ATP13A5: variants seen among roughly 807,000 people sequenced by gnomAD.
The protein encoded by ATP13A5 is ATPase 13A5.
In ATP13A5, 149 loss-of-function variants were observed where a neutral mutation model predicts 150.2. That is an observed-to-expected ratio of 0.99 (90% CI 0.87 to 1.14). The LOEUF is 1.14. Ranked by LOEUF, ATP13A5 falls within the 50% of genes most tolerant of loss-of-function variation. ATP13A5 has a pLI of 0.00. For missense variants in ATP13A5, 1,383 were observed against 1,449.3 expected, an observed-to-expected ratio of 0.95 and a Z score of 0.74; for synonymous variants, 497 against 522.2, an observed-to-expected ratio of 0.95 and a Z score of 0.66.
chr3:193,346,661 C>A (rs1712350085), intron 7 of ATP13A5, among the ~76,000 whole-genome samples: 1 of 152,074 alleles, frequency 6.6e-6, no homozygotes, highest in African/African-American at 2.4e-5. Context: ...ACAAATGTCA[C>A]CAGGCTAAGA....
intron 22 of ATP13A5, 80 bp from the exon 23 acceptor site, chr3:193,305,748 A>T: frequency 8.3e-7 from 1 of 1,204,140 alleles, no homozygotes. Flanking sequence ...GCTGTTCTTC[A>T]CATCATAAAG....
At chr3:193,336,499 G>A (rs1301234086) in intron 9 of ATP13A5, among the ~76,000 whole-genome samples, 2 of 151,980 alleles carry the variant, frequency 1.3e-5, no homozygotes, top group Non-Finnish European at 2.9e-5. Flanking sequence ...TTGATTTTTT[G>A]TCCTTGAGAT....
At chr3:193,350,929 C>A in intron 7 of ATP13A5, 138 bp downstream of exon 7, 1 of 909,028 alleles carries the variant, frequency 1.1e-6, no homozygotes, top group Non-Finnish European at 1.6e-6. Flanking sequence ...TTCTGTCATC[C>A]CATATTTGGT....
intron 25 of ATP13A5, among the ~76,000 whole-genome samples, chr3:193,293,929 A>C (rs1292621064): frequency 1.3e-5 from 2 of 152,060 alleles, no homozygotes; most frequent in Non-Finnish European, 1.5e-5. Flanking sequence ...AGGGGCTGGA[A>C]TGGCTGGCCT....
chr3:193,304,357 G>T (rs2108843325), intron 23 of ATP13A5, among the ~76,000 whole-genome samples: 1 of 152,274 alleles, frequency 6.6e-6, no homozygotes, highest in Admixed American at 6.5e-5. Context: ...CCAGTGTTCA[G>T]GGTGTTGTGT....
At chr3:193,354,941 T>TTTTTTTTTTCTTTTA (rs1241727269) in intron 5 of ATP13A5, among the ~76,000 whole-genome samples, 7 of 44,934 alleles carry the variant, frequency 1.6e-4, no homozygotes, top group African/African-American at 7.8e-4. Context: ...ACAATGTAAC[T>TTTTTTTTTTCTTTTA]TTTTTTTTGA....
chr3:193,351,343 A>C, intron 6 of ATP13A5, 142 bp from the exon 7 acceptor site: 1 of 1,036,904 alleles, frequency 9.6e-7, no homozygotes, highest in Non-Finnish European at 1.4e-6. Flanking sequence ...TTAGATCTCT[A>C]TTGATTTGGG....
chr3:193,371,313 G>A (rs550889051), intron 1 of ATP13A5, among the ~76,000 whole-genome samples: 3 of 152,188 alleles, frequency 2.0e-5, no homozygotes, highest in African/African-American at 7.2e-5. Context: ...AGCATCTATC[G>A]TCTGCTTAAG....
Position 193,354,208 on chromosome 3 carries a change from T to A in ATP13A5, c.537-12A>T. ...CACACACTAATCTTCTGCGGGAAAT[T>A]GATCATCCATTAGTGTCATAGCTAC... On this transcript the variant is annotated splice_polypyrimidine_tract_variant and intron_variant, in intron 5 of 29. Coordinates refer to ENST00000342358, the MANE Select transcript of ATP13A5 (RefSeq NM_198505.4). 6.2e-7 allele frequency: 1 copy of A among 1,608,840 alleles called. No homozygotes were observed. The highest frequency in any genetic ancestry group is 8.5e-7 in the Non-Finnish European group (1 of 1,178,322).
rs1405387747 is a variant in ATP13A5, at chr3:193,314,071, G to T, written c.2281C>A (p.Gln761Lys). Residue 761 changes from glutamine to lysine, a missense_variant, in exon 19 of 30, where the codon CAG (glutamine) becomes AAG (lysine). By Grantham distance (53) the Gln-to-Lys change is moderately conservative. This residue lies in a region of ATP13A5 where 568 missense variants were observed against 621.5 expected (regional missense o/e 0.91). Transcript: ENST00000342358. ...EEFVPASVTW[Q>K]LVENQETGPG... is the part of the protein sequence containing the mutation. ...CCAGTCTCTTGGTTCTCCACCAGCT[G>T]CCAGGTCACAGAGGCAGGAACAAAT... 1.2e-6 allele frequency: 2 copies of T among 1,613,734 alleles called. No individual in the cohort carries two copies. The highest frequency in any genetic ancestry group is 3.3e-5 in the Admixed American group (2 of 60,014).
chr3:193,316,391 C>A (rs1386222242), intron 17 of ATP13A5, among the ~76,000 whole-genome samples: 1 of 151,990 alleles, frequency 6.6e-6, no homozygotes, highest in Non-Finnish European at 1.5e-5. Context: ...TAAAAACATT[C>A]TATTTTTAAT....
At chr3:193,315,682 C>A (rs1719022525) in intron 17 of ATP13A5, among the ~76,000 whole-genome samples, 1 of 152,098 alleles carries the variant, frequency 6.6e-6, no homozygotes, top group Non-Finnish European at 1.5e-5. Context: ...TCTTGGGTGG[C>A]TTTTTAAAAA....
intron 9 of ATP13A5, among the ~76,000 whole-genome samples, chr3:193,337,228 G>C (rs1383506252): frequency 6.6e-6 from 1 of 152,144 alleles, no homozygotes; most frequent in African/African-American, 2.4e-5. Flanking sequence ...CTGTGCAGAA[G>C]CTCTTTAGTT....
chr3:193,339,481 C>T (rs1712030078), intron 9 of ATP13A5, among the ~76,000 whole-genome samples: 1 of 152,090 alleles, frequency 6.6e-6, no homozygotes, highest in South Asian at 2.1e-4. Context: ...TAAAAATGCC[C>T]AAGTTTCTCT....
At chr3:193,331,073 C>T in intron 12 of ATP13A5, 50 bp downstream of exon 12, 2 of 1,559,116 alleles carry the variant, frequency 1.3e-6, no homozygotes, top group Non-Finnish European at 1.8e-6. Context: ...TTCCCAGCTC[C>T]ACCATGCCTT....
At chr3:193,338,694 CTTT>C (rs1249564409) in intron 9 of ATP13A5, among the ~76,000 whole-genome samples, 1 of 151,854 alleles carries the variant, frequency 6.6e-6, no homozygotes, top group South Asian at 2.1e-4. Flanking sequence ...CTAAAATTCT[CTTT>C]TTTTTGTTGT....
At chr3:193,363,717 C>T (rs1361765095) in intron 2 of ATP13A5, among the ~76,000 whole-genome samples, 1 of 152,164 alleles carries the variant, frequency 6.6e-6, no homozygotes, top group Non-Finnish European at 1.5e-5. Context: ...ATTAAAGTGA[C>T]ATCTAGGTGC....
At chr3:193,322,192 C>A (rs1037840346) in intron 15 of ATP13A5, among the ~76,000 whole-genome samples, 1 of 152,182 alleles carries the variant, frequency 6.6e-6, no homozygotes, top group Non-Finnish European at 1.5e-5. Flanking sequence ...TTGTGTTGCA[C>A]TTATCTGCAC....
intron 25 of ATP13A5, among the ~76,000 whole-genome samples, chr3:193,295,871 A>G (rs1378233428): frequency 6.6e-6 from 1 of 152,176 alleles, no homozygotes; most frequent in African/African-American, 2.4e-5. Context: ...TGTTAGGAGC[A>G]ATGTAAACTG....
Sources: allele counts gnomAD v4.1 joint callset (sites outside exome capture counted in the v4.1 genomes callset), GRCh38; gene constraint gnomAD v4.1.1; regional missense constraint gnomAD v4.1.1; transcripts MANE v1.5; gene names NCBI Gene and HGNC (gene_info 2026-07-23, HGNC 2026-07-21).